Variants in IL1RAPL2 observed in about 807,000 individuals in gnomAD.
IL1RAPL2 encodes the protein X-linked interleukin-1 receptor accessory protein-like 2.
A neutral mutation model predicts 44.1 loss-of-function variants in IL1RAPL2; 3 were observed. The observed-to-expected ratio is 0.07, with a 90% CI of 0.03 to 0.18. The LOEUF (loss-of-function observed/expected upper bound fraction) is 0.18. Among genes scored for constraint, IL1RAPL2 ranks in the 10% least tolerant of loss-of-function variants. The pLI is 1.00. For missense variants in IL1RAPL2, 391 were observed against 496.4 expected (o/e 0.79, Z 2.02); for synonymous variants, 181 against 178.8 (o/e 1.01, Z -0.10).
intron 5 of IL1RAPL2, among the ~76,000 whole-genome samples, chrX:105,307,242 C>T: frequency 9.8e-6 from 1 of 102,512 alleles, no homozygotes; most frequent in East Asian, 3.1e-4. Context: ...GCATTGGCAA[C>T]ATAGTGAGAC....
intron 2 of IL1RAPL2, among the ~76,000 whole-genome samples, chrX:104,858,219 A>G (rs1922412894): frequency 9.0e-6 from 1 of 111,720 alleles, no homozygotes; most frequent in Non-Finnish European, 1.9e-5. Flanking sequence ...GATAGAAACT[A>G]TTCATTCTTG....
chrX:104,961,081 A>G (rs763287369), intron 2 of IL1RAPL2, among the ~76,000 whole-genome samples: 1 of 111,677 alleles, frequency 9.0e-6, no homozygotes, highest in Non-Finnish European at 1.9e-5. Context: ...AAAAAAAAAG[A>G]TAATTGGATG....
At chrX:105,616,387 T>G (rs1336232880) in intron 6 of IL1RAPL2, among the ~76,000 whole-genome samples, 1 of 112,205 alleles carries the variant, frequency 8.9e-6, no homozygotes, top group African/African-American at 3.2e-5. Context: ...TTTACCATTT[T>G]ATAATTCCAC....
chrX:104,822,709 T>C (rs1471129062), intron 2 of IL1RAPL2, among the ~76,000 whole-genome samples: 1 of 112,292 alleles, frequency 8.9e-6, no homozygotes, highest in Non-Finnish European at 1.9e-5. Flanking sequence ...AGCTTTGTTC[T>C]TTTTGCTTAG....
chrX:104,765,623 T>C (rs1932540695), intron 2 of IL1RAPL2, among the ~76,000 whole-genome samples: 1 of 111,926 alleles, frequency 8.9e-6, no homozygotes, highest in Non-Finnish European at 1.9e-5. Context: ...TATTTTAGAT[T>C]TATCTCTGGT....
chrX:105,212,328 C>T (rs5916885), intron 3 of IL1RAPL2, among the ~76,000 whole-genome samples: 55,107 of 110,924 alleles, frequency 0.5, 11,802 homozygotes, highest in East Asian at 0.76. Context: ...TTTCCCCTGA[C>T]AGTGCTAAGG....
intron 2 of IL1RAPL2, among the ~76,000 whole-genome samples, chrX:104,769,353 T>C (rs1932606210): frequency 9.0e-6 from 1 of 111,557 alleles, no homozygotes; most frequent in Non-Finnish European, 1.9e-5. Flanking sequence ...TATATATGTA[T>C]GGGCTAAAAG....
chrX:105,616,763 T>C (rs2037379618), intron 6 of IL1RAPL2, among the ~76,000 whole-genome samples: 1 of 111,457 alleles, frequency 9.0e-6, no homozygotes, highest in South Asian at 3.8e-4. Flanking sequence ...TTTTGAATAA[T>C]AGAAATTTTT....
intron 2 of IL1RAPL2, among the ~76,000 whole-genome samples, chrX:105,002,152 T>C (rs946179936): frequency 9.0e-6 from 1 of 110,939 alleles, no homozygotes; most frequent in African/African-American, 3.3e-5. Context: ...CTGCCTGTTA[T>C]CCACCAATAA....
In IL1RAPL2 at chrX:104,599,018, G is replaced by C. The variant is rs1473914405; in HGVS notation, c.-20+31967G>C. On this transcript the variant is annotated intron_variant, in intron 1 of 10. Coordinates refer to ENST00000372582, the MANE Select transcript of IL1RAPL2 (RefSeq NM_017416.2). ...TAGATATACCAGGCAGAAGTCATTT[G>C]TAGAAGCTTGACTGAAGTAGATGAG... Among the ~76,000 whole-genome samples the C allele has an allele frequency of 2.7e-5, 3 of 112,407 alleles. No individual in the cohort carries two copies. In the East Asian group the frequency reaches 8.4e-4, roughly 32 times the overall value.
chrX:104,910,746 C>T (rs1924210301), intron 2 of IL1RAPL2, among the ~76,000 whole-genome samples: 1 of 111,995 alleles, frequency 8.9e-6, no homozygotes, highest in African/African-American at 3.2e-5. Context: ...CAGCACTCTA[C>T]ATATTCACGT....
chrX:104,744,913 A>T (rs1168950609), intron 2 of IL1RAPL2, among the ~76,000 whole-genome samples: 2 of 111,162 alleles, frequency 1.8e-5, no homozygotes, highest in Non-Finnish European at 3.8e-5. Context: ...ATTTATAGTC[A>T]CTTATCACCC....
chrX:104,979,891 A>G (rs1347468964), intron 2 of IL1RAPL2, among the ~76,000 whole-genome samples: 1 of 111,933 alleles, frequency 8.9e-6, no homozygotes, highest in African/African-American at 3.2e-5. Context: ...GAAGCCAGGG[A>G]TGCTGCCAAA....
intron 2 of IL1RAPL2, among the ~76,000 whole-genome samples, chrX:105,030,341 A>G (rs1033585897): frequency 9.0e-6 from 1 of 111,145 alleles, no homozygotes; most frequent in African/African-American, 3.3e-5. Context: ...CCTGAATGGT[A>G]TTGCCTAGGT....
At chrX:105,470,379 G>A (rs1464015407) in intron 5 of IL1RAPL2, among the ~76,000 whole-genome samples, 1 of 111,827 alleles carries the variant, frequency 8.9e-6, no homozygotes, top group Non-Finnish European at 1.9e-5. Context: ...AGTGGAGCCA[G>A]GATCAGAACC....
At chrX:104,686,886 G>A (rs1313006382) in intron 2 of IL1RAPL2, among the ~76,000 whole-genome samples, 3 of 112,144 alleles carry the variant, frequency 2.7e-5, no homozygotes, top group Non-Finnish European at 5.6e-5. Flanking sequence ...TGGAAGCAAT[G>A]TAAATACCAA....
intron 4 of IL1RAPL2, among the ~76,000 whole-genome samples, chrX:105,257,536 T>C (rs970110944): frequency 8.9e-6 from 1 of 112,198 alleles, no homozygotes; most frequent in African/African-American, 3.2e-5. Flanking sequence ...CAGTGGGGTG[T>C]TGAAGTCTCC....
intron 2 of IL1RAPL2, among the ~76,000 whole-genome samples, chrX:104,901,067 C>T (rs760445634): frequency 1.6e-4 from 18 of 110,904 alleles, no homozygotes; most frequent in African/African-American, 4.9e-4. Flanking sequence ...GAACCACTTA[C>T]TTTAGGTCCT....
chrX:105,031,012 A>G lies in IL1RAPL2; in HGVS notation c.83-164463A>G, dbSNP rs865900336. Among the ~76,000 whole-genome samples the G allele has an allele frequency of 8.9e-4, 98 of 110,353 alleles. 1 individual carries two copies. The highest frequency in any genetic ancestry group is 2.4e-3 in the Admixed American group (25 of 10,302). On this transcript the variant is annotated intron_variant, in intron 2 of 10. Coordinates refer to ENST00000372582, the MANE Select transcript of IL1RAPL2 (RefSeq NM_017416.2). ...TTTATTCTCTTTGAAGCAATTGTGA[A>G]AGGGAGTTCACTCATGATTTGGCTC...
Sources: allele counts gnomAD v4.1 joint callset (sites outside exome capture counted in the v4.1 genomes callset), GRCh38; gene constraint gnomAD v4.1.1; transcripts MANE v1.5; gene names NCBI Gene and HGNC (gene_info 2026-07-23, HGNC 2026-07-21).